Variants in ADAMTSL1 observed in about 807,000 individuals in gnomAD.
The protein encoded by ADAMTSL1 is ADAMTS-like protein 1.
Under a neutral mutation model 201.8 loss-of-function variants are expected in ADAMTSL1, and 126 were observed. That is an observed-to-expected ratio of 0.62 (90% confidence interval 0.54 to 0.72). The LOEUF (loss-of-function observed/expected upper bound fraction) is 0.72. Ranked by LOEUF, ADAMTSL1 falls within the 30% of genes least tolerant of loss-of-function variation. The pLI is 0.00. For missense variants in ADAMTSL1, 2,679 were observed against 2,277.8 expected, an observed-to-expected ratio of 1.18 and a Z score of -3.59; for synonymous variants, 1,121 against 903.4, an observed-to-expected ratio of 1.24 and a Z score of -4.32.
chr9:18,248,489 G>A (rs67021093), intron 2 of ADAMTSL1, among the ~76,000 whole-genome samples: 10,828 of 152,186 alleles, frequency 0.071, 414 homozygotes, highest in Middle Eastern at 0.099. Flanking sequence ...TACTAAGTCT[G>A]AACATTAACC....
chr9:18,071,251 A>T (rs1413099618), intron 1 of ADAMTSL1, among the ~76,000 whole-genome samples: 1 of 152,206 alleles, frequency 6.6e-6, no homozygotes. Context: ...TTGTTGTCAG[A>T]TGTTTTTGGT....
At position 18,688,689 on chromosome 9, in the gene ADAMTSL1, A is replaced by AATATATATAT. The variant is rs1554730405; in HGVS notation, c.1574+3900_1574+3909dup. Among the ~76,000 whole-genome samples, 30 of 8,640 alleles carry AATATATATAT rather than the reference A, an allele frequency of 3.5e-3. 1 individual carries two copies. Among genetic ancestry groups the AATATATATAT allele is most frequent in the African/African-American group, 4.8e-3 (13 of 2,684 alleles). The allele number at this position is 8,640 out of a possible 152,430, so 5.7% of individuals were successfully genotyped here. ...AAAAAAAAAAAAAAAAAAAAAAAAAAATATATATATATATATATATGACTG... is the reference window on the plus strand; with the variant it reads ...AAAAAAAAAAAAAAAAAAAAAAAAAAATATATATATATATATATATATATATATATGACTG... On this transcript the variant is annotated intron_variant, in intron 13 of 28. Transcript: ENST00000380548.
At position 18,504,816 on chromosome 9, in the gene ADAMTSL1, T is replaced by C. The variant is rs752643866; in HGVS notation, c.64-13T>C. 1.9e-6 allele frequency: 3 copies of C among 1,614,222 alleles called. No individual in the cohort carries two copies. The highest frequency in any genetic ancestry group is 3.3e-4 in the Middle Eastern group (2 of 6,062). ...GGGGGATATGATGCTGACCATTCTT[T>C]TGTTTCTCACAGAGTTCCAGGACCG... On this transcript the variant is annotated splice_polypyrimidine_tract_variant and intron_variant, in intron 1 of 28. Transcript: ENST00000380548.
chr9:18,132,031 A>G (rs1465557355), intron 1 of ADAMTSL1, among the ~76,000 whole-genome samples: 1 of 152,092 alleles, frequency 6.6e-6, no homozygotes, highest in Non-Finnish European at 1.5e-5. Flanking sequence ...CTGATTTGTC[A>G]CCTGAGCTCT....
intron 1 of ADAMTSL1, among the ~76,000 whole-genome samples, chr9:17,977,298 G>T (rs913996260): frequency 6.6e-6 from 1 of 152,016 alleles, no homozygotes; most frequent in African/African-American, 2.4e-5. Flanking sequence ...TTCTTGTAAT[G>T]TCCTTGCCTA....
intron 2 of ADAMTSL1, among the ~76,000 whole-genome samples, chr9:18,299,684 T>C (rs1354878393): frequency 6.6e-6 from 1 of 152,084 alleles, no homozygotes; most frequent in African/African-American, 2.4e-5. Context: ...ACCTGGGTGA[T>C]GAAGGAGAGC....
chr9:18,660,754 C>A (rs1231075737), intron 8 of ADAMTSL1, among the ~76,000 whole-genome samples: 1 of 152,024 alleles, frequency 6.6e-6, no homozygotes, highest in South Asian at 2.1e-4. Flanking sequence ...GTGTTCTTAT[C>A]CATTGCTTTC....
chr9:18,712,047 G>A (rs10963732), intron 14 of ADAMTSL1, among the ~76,000 whole-genome samples: 34,172 of 148,786 alleles, frequency 0.23, 1,629 homozygotes, highest in Non-Finnish European at 0.28. Context: ...CTGTCTGTTA[G>A]AAGGAAAACT....
chr9:18,256,916 T>C (rs138041355), intron 2 of ADAMTSL1, among the ~76,000 whole-genome samples: 7 of 152,348 alleles, frequency 4.6e-5, no homozygotes, highest in African/African-American at 1.7e-4. Context: ...CTTTTACCCC[T>C]CTTCTGTGCT....
chr9:18,845,618 C>A (rs1389358125), intron 23 of ADAMTSL1, among the ~76,000 whole-genome samples: 1 of 152,252 alleles, frequency 6.6e-6, no homozygotes, highest in Non-Finnish European at 1.5e-5. Context: ...CCAAGACAGG[C>A]AGCTTATGCA....
chr9:17,944,594 A>G (rs1284696086), intron 1 of ADAMTSL1, among the ~76,000 whole-genome samples: 1 of 147,026 alleles, frequency 6.8e-6, no homozygotes, highest in African/African-American at 2.5e-5. Flanking sequence ...CCAAAACAGC[A>G]TGGTACTGGT....
chr9:18,401,135 T>A (rs969178428), intron 2 of ADAMTSL1, among the ~76,000 whole-genome samples: 2 of 152,198 alleles, frequency 1.3e-5, no homozygotes, highest in African/African-American at 2.4e-5. Context: ...AAATAATATT[T>A]TATTTTTTGG....
chr9:18,127,518 ACAC>A (rs1825789743), intron 1 of ADAMTSL1, among the ~76,000 whole-genome samples: 7 of 137,452 alleles, frequency 5.1e-5, no homozygotes, highest in East Asian at 2.2e-4. Flanking sequence ...ACACACACAC[ACAC>A]AACACATGCT....
At chr9:18,503,440 T>TATATATATATATAC (rs1304107760) in intron 1 of ADAMTSL1, among the ~76,000 whole-genome samples, 1 of 148,276 alleles carries the variant, frequency 6.7e-6, no homozygotes, top group African/African-American at 2.5e-5. Flanking sequence ...TATATATATA[T>TATATATATATATAC]ACCACATTTT....
chr9:18,577,431 A>C (rs1394708968), intron 4 of ADAMTSL1, among the ~76,000 whole-genome samples: 1 of 152,184 alleles, frequency 6.6e-6, no homozygotes, highest in East Asian at 1.9e-4. Context: ...GGTTGCAGTG[A>C]GCCGAGATTG....
rs576863550 is a variant in ADAMTSL1 at position 18,557,917 on chromosome 9, A to C, written c.238-16113A>C. Among the ~76,000 whole-genome samples, 72 of 152,150 alleles carry C rather than the reference A, an allele frequency of 4.7e-4. 3 individuals are homozygous for C. The highest frequency in any genetic ancestry group is 1.7e-3 in the African/African-American group (71 of 41,546). ...TCCCTGTTGCCTGGTAATTATATAT[A>C]ATTAAAAAGCACAGAGGAATGGGCA... On this transcript the variant is annotated intron_variant, in intron 3 of 28. Transcript: ENST00000380548.
intron 3 of ADAMTSL1, among the ~76,000 whole-genome samples, chr9:18,564,657 A>C (rs1000198935): frequency 2.0e-5 from 3 of 152,214 alleles, no homozygotes. Context: ...TGTGCTTATA[A>C]AATGAAATTG....
At chr9:18,605,997 G>GC (rs1391707913) in intron 4 of ADAMTSL1, among the ~76,000 whole-genome samples, 1 of 152,146 alleles carries the variant, frequency 6.6e-6, no homozygotes, top group Non-Finnish European at 1.5e-5. Context: ...TTCTGACACT[G>GC]CGTGGTACAA....
At chr9:18,057,065 T>A (rs1822224570) in intron 1 of ADAMTSL1, among the ~76,000 whole-genome samples, 1 of 152,178 alleles carries the variant, frequency 6.6e-6, no homozygotes, top group African/African-American at 2.4e-5. Context: ...CCAGCTAGGC[T>A]TTACGTTGTC....
Sources: gnomAD v4.1 joint callset for allele counts (sites outside exome capture counted in the v4.1 genomes callset) on GRCh38, gnomAD v4.1.1 for gene constraint, MANE v1.5 for transcripts, NCBI Gene and HGNC (gene_info 2026-07-23, HGNC 2026-07-21) for gene names.